CLPB: variants seen among roughly 807,000 people sequenced by gnomAD.
CLPB encodes the protein mitochondrial disaggregase.
CLPB carries 40 observed loss-of-function variants against 78.4 expected under a neutral mutation model. The observed-to-expected ratio is 0.51, with a 90% CI of 0.40 to 0.66. The LOEUF (loss-of-function observed/expected upper bound fraction) is 0.66. CLPB is among the 30% of genes least tolerant of loss of function. CLPB has a pLI of 0.00. For synonymous variants in CLPB, 333 were observed against 348.0 expected, an observed-to-expected ratio of 0.96 and a Z score of 0.48; for missense variants, 780 against 886.9, an observed-to-expected ratio of 0.88 and a Z score of 1.53.
rs1949387065 is a variant in CLPB at position 72,286,223 on chromosome 11, G to GTTTTTTTTTTTTTGTTTT, written c.*7143_*7144insAAAACAAAAAAAAAAAAA. ...ATTACAGGTGTGAGATACTGCACCT[G>GTTTTTTTTTTTTTGTTTT]TTTTTTTTTTTTTTTTTTTTTTTAA... On this transcript the variant is annotated 3_prime_UTR_variant, in exon 16 of 16. Transcript: ENST00000538039. The GTTTTTTTTTTTTTGTTTT allele has an allele frequency of 1.7e-5, 1 of 60,452 alleles. No individual in the cohort carries two copies. The highest frequency in any genetic ancestry group is 6.9e-5 in the African/African-American group (1 of 14,466). 3.7% of individuals were successfully genotyped at this position (60,452 alleles called of 1,614,324 possible).
chr11:72,430,761 AACCCAGTTC>A (rs1856523626), intron 1 of CLPB, among the ~76,000 whole-genome samples: 1 of 152,198 alleles, frequency 6.6e-6, no homozygotes, highest in Non-Finnish European at 1.5e-5. Context: ...CCAGTTCTTC[AACCCAGTTC>A]TGAATCTTGA....
Position 72,344,541 on chromosome 11 carries a change from T to C in CLPB, c.775+14339A>G, listed in dbSNP as rs139024602. Among the ~76,000 whole-genome samples the C allele has an allele frequency of 3.0e-4, 46 of 152,240 alleles. No individual in the cohort carries two copies. The East Asian group carries it at 4.4e-3, about 15-fold the overall frequency. On this transcript the variant is annotated intron_variant, in intron 5 of 15. Transcript: ENST00000538039. ...CTTTTCTACCTTGATTTCCATGATA[T>C]GCAATATCCATGACTTTCTCTCCTT...
At chr11:72,401,681 G>A (rs955215425) in intron 3 of CLPB, among the ~76,000 whole-genome samples, 3 of 152,178 alleles carry the variant, frequency 2.0e-5, no homozygotes, top group African/African-American at 7.2e-5. Flanking sequence ...CAGGTGGCCA[G>A]TACACCTTAA....
intron 2 of CLPB, chr11:72,429,202 G>C (rs561473273): frequency 1.3e-5 from 2 of 152,282 alleles, no homozygotes; most frequent in South Asian, 4.1e-4. Flanking sequence ...ATGCATCATC[G>C]CATGTTTATT....
chr11:72,409,943 C>T (rs1456844582), intron 2 of CLPB, among the ~76,000 whole-genome samples: 1 of 151,592 alleles, frequency 6.6e-6, no homozygotes, highest in East Asian at 1.9e-4. Flanking sequence ...TGCCACTGCA[C>T]TCCGACCTGG....
intron 5 of CLPB, among the ~76,000 whole-genome samples, chr11:72,353,931 A>AT (rs112280511): frequency 0.12 from 18,123 of 151,810 alleles, 1,437 homozygotes; most frequent in East Asian, 0.23. Context: ...TATGGTTAGA[A>AT]TTTTTTTTTA....
intron 4 of CLPB, among the ~76,000 whole-genome samples, chr11:72,364,446 A>G (rs1184213660): frequency 6.6e-6 from 1 of 151,960 alleles, no homozygotes; most frequent in East Asian, 1.9e-4. Context: ...ACCTCAGATG[A>G]TCCACCTGCC....
intron 5 of CLPB, among the ~76,000 whole-genome samples, chr11:72,345,695 G>A (rs1418097675): frequency 2.0e-5 from 3 of 152,178 alleles, no homozygotes; most frequent in Non-Finnish European, 2.9e-5. Flanking sequence ...ATCAGGATAC[G>A]TAGGGGAGAA....
At chr11:72,381,701 C>G (rs1565474591) in intron 3 of CLPB, among the ~76,000 whole-genome samples, 2 of 152,092 alleles carry the variant, frequency 1.3e-5, no homozygotes, top group Admixed American at 6.5e-5. Context: ...GACCCAGCCT[C>G]CAGGTCCACC....
intron 3 of CLPB, among the ~76,000 whole-genome samples, chr11:72,394,677 T>C (rs1855352993): frequency 6.6e-6 from 1 of 152,236 alleles, no homozygotes; most frequent in Non-Finnish European, 1.5e-5. Flanking sequence ...CAGGATTATC[T>C]TGAGCAACGA....
intron 10 of CLPB, 61 bp from the exon 11 acceptor site, chr11:72,302,025 G>A (rs185706095): frequency 4.8e-4 from 754 of 1,566,238 alleles, no homozygotes; most frequent in Non-Finnish European, 6.3e-4. Context: ...TCCAACATGG[G>A]GCATGCATGG....
chr11:72,404,985 C>T (rs1358918622), intron 2 of CLPB, among the ~76,000 whole-genome samples: 1 of 152,196 alleles, frequency 6.6e-6, no homozygotes, highest in Non-Finnish European at 1.5e-5. Context: ...CCTTGTTTAG[C>T]AGGCCACGTG....
At chr11:72,383,342 G>C (rs927966703) in intron 3 of CLPB, among the ~76,000 whole-genome samples, 2 of 151,864 alleles carry the variant, frequency 1.3e-5, no homozygotes, top group African/African-American at 2.4e-5. Flanking sequence ...GGCTAACACG[G>C]TGAAACCCCG....
At chr11:72,394,680 A>G (rs1855353089) in intron 3 of CLPB, among the ~76,000 whole-genome samples, 1 of 152,320 alleles carries the variant, frequency 6.6e-6, no homozygotes, top group Non-Finnish European at 1.5e-5. Context: ...GATTATCTTG[A>G]GCAACGATTC....
intron 3 of CLPB, among the ~76,000 whole-genome samples, chr11:72,393,322 T>A (rs1301473495): frequency 6.6e-6 from 1 of 152,170 alleles, no homozygotes; most frequent in Non-Finnish European, 1.5e-5. Context: ...AACAGTATGA[T>A]GGGGCTGGCA....
chr11:72,403,064 C>T lies in CLPB; in HGVS notation c.456-12G>A. 6.2e-7 allele frequency: 1 copy of T among 1,611,698 alleles called. No individual in the cohort carries two copies. The highest frequency in any genetic ancestry group is 8.5e-7 in the Non-Finnish European group (1 of 1,178,920). On this transcript the variant is annotated splice_polypyrimidine_tract_variant and intron_variant, in intron 2 of 15. Coordinates refer to ENST00000538039, the MANE Select transcript of CLPB (RefSeq NM_001258392.3). ...CTTCTGACAACAGCCTAAAACAAGA[C>T]AGAGGAATATTTTCAGTGTATGGCT...
At chr11:72,383,320 C>T (rs954672571) in intron 3 of CLPB, among the ~76,000 whole-genome samples, 10 of 151,614 alleles carry the variant, frequency 6.6e-5, no homozygotes, top group Non-Finnish European at 8.8e-5. Flanking sequence ...GTCAGGAGAT[C>T]GAGACCATCC....
rs138432709 is a variant in CLPB at position 72,387,994 on chromosome 11, G to C, written c.543-7610C>G. ...TAACTGTGCTACCTGGGCCTCTCCA[G>C]GTTCATGAGTATTGATTTCATCTGT... On this transcript the variant is annotated intron_variant, in intron 3 of 15. Coordinates refer to ENST00000538039, the MANE Select transcript of CLPB (RefSeq NM_001258392.3). Among the ~76,000 whole-genome samples the C allele has an allele frequency of 2.6e-3, 392 of 152,264 alleles. 2 individuals are homozygous for C. The highest frequency in any genetic ancestry group is 9.0e-3 in the African/African-American group (373 of 41,534).
intron 2 of CLPB, among the ~76,000 whole-genome samples, chr11:72,427,417 C>G (rs911190212): frequency 2.0e-5 from 3 of 152,148 alleles, no homozygotes; most frequent in African/African-American, 7.2e-5. Context: ...GTGACCCAAC[C>G]ATGTGTAACC....
Sources: gnomAD v4.1 joint callset for allele counts (sites outside exome capture counted in the v4.1 genomes callset) on GRCh38, gnomAD v4.1.1 for gene constraint, MANE v1.5 for transcripts, NCBI Gene and HGNC (gene_info 2026-07-23, HGNC 2026-07-21) for gene names.